The following ATP2A3 variants were observed in gnomAD, a reference collection of about 807,000 sequenced individuals.
The protein encoded by ATP2A3 is ATPase sarcoplasmic/endoplasmic reticulum Ca2+ transporting 3.
In ATP2A3, 61 loss-of-function variants were observed where a neutral mutation model predicts 106.8. The observed-to-expected ratio is 0.57, with a 90% CI of 0.46 to 0.71. The LOEUF is 0.71. Among genes scored for constraint, ATP2A3 ranks in the 30% least tolerant of loss-of-function variants. The probability of loss-of-function intolerance (pLI) is 0.00; values close to 1 mark genes in which losing one functional copy is unlikely to be tolerated. For synonymous variants in ATP2A3, 611 were observed against 609.3 expected (o/e 1.00, Z -0.04); for missense variants, 1,201 against 1,423.5 (o/e 0.84, Z 2.52).
rs760209636 is a variant in ATP2A3, at chr17:3,941,298, C to A, written c.1773G>T (p.Leu591=). 2 of 1,613,664 alleles carry A rather than the reference C, an allele frequency of 1.2e-6. No individual in the cohort carries two copies. Among genetic ancestry groups the A allele is most frequent in the Non-Finnish European group, 1.7e-6 (2 of 1,179,864 alleles). Residue 591 remains leucine, a synonymous_variant, in exon 14 of 21, where the codon CTG becomes CTT. Coordinates refer to ENST00000397041, the MANE Select transcript of ATP2A3 (RefSeq NM_005173.4). ...GCATGCCTACGCAGCCCACGAAGGT[C>A]AGGTCCGTCTGTAGGGAGGGGGCAG... The part of the protein sequence containing the change: ...CSKFVQYETD[L]TFVGCVGMLD...
intron 20 of ATP2A3, chr17:3,927,732 T>C (rs1356229635): frequency 2.1e-6 from 2 of 952,872 alleles, no homozygotes; most frequent in Admixed American, 2.2e-4. Context: ...AGTGAGCCCC[T>C]ACATGTGTCT....
chr17:3,961,627 C>T (rs964238333), intron 1 of ATP2A3, among the ~76,000 whole-genome samples: 1 of 152,178 alleles, frequency 6.6e-6, no homozygotes, highest in African/African-American at 2.4e-5. Context: ...CAATAACGAC[C>T]TTGCAGGTGC....
rs73971721 is a variant in ATP2A3, at chr17:3,929,261, T to C, written c.2862+67A>G. On this transcript the variant is annotated intron_variant, in intron 19 of 20. Transcript: ENST00000397041. This position sits in a 1 kb window ranked among gnomAD's most constrained non-coding sequence, Gnocchi z 4.3. Reference sequence around the variant, plus strand: ...TTCCATTGCAGGGGGGCCAGAGAGGTCCAGTGACCAGCCCAGGGCCTGTGA... The same window carrying C: ...TTCCATTGCAGGGGGGCCAGAGAGGCCCAGTGACCAGCCCAGGGCCTGTGA... 0.012 allele frequency: 16,780 copies of C among 1,401,462 alleles called. 1,581 individuals are homozygous for C. In the African/African-American group the frequency reaches 0.21, roughly 18 times the overall value. 86.8% of individuals were successfully genotyped at this position (1,401,462 alleles called of 1,614,324 possible).
rs1295889417 is a variant in ATP2A3 at position 3,936,544 on chromosome 17, C to T, written c.2322-75G>A. 4 of 1,537,634 alleles carry T rather than the reference C, an allele frequency of 2.6e-6. No homozygotes were observed. In the Admixed American group the frequency reaches 6.8e-5, roughly 26 times the overall value. ...ATGCAGGCTCCAGCTCCTGCTCAGA[C>T]CCAAGGCTGGGAGCTCACCCACCCA... On this transcript the variant is annotated intron_variant, in intron 15 of 20. Transcript: ENST00000397041. The surrounding 1 kb of genome is among the most constrained non-coding windows in gnomAD (Gnocchi z 5.4).
Position 3,964,182 on chromosome 17 carries a change from C to G in ATP2A3, c.110G>C (p.Gly37Ala). The G allele has an allele frequency of 8.1e-7, 1 of 1,228,202 alleles. No individual in the cohort carries two copies. The highest frequency in any genetic ancestry group is 3.8e-5 in the Admixed American group (1 of 26,156). The allele number at this position is 1,228,202 out of a possible 1,614,324, so 76.1% of individuals were successfully genotyped here. The change falls in exon 1 of 21, where the codon GGC (glycine) becomes GCC (alanine). Residue 37 changes from glycine (G) to alanine (A), a missense_variant. Gly to Ala is a moderately conservative substitution (Grantham distance 60). This residue lies in a region of ATP2A3 where 266 missense variants were observed against 246.8 expected (regional missense o/e 1.08). Coordinates refer to ENST00000397041, the MANE Select transcript of ATP2A3 (RefSeq NM_005173.4). Reference protein sequence around the residue: ...AQVTGARERYGPNELPSEEGK... With the variant: ...AQVTGARERYAPNELPSEEGK... Reference sequence around the variant, plus strand: ...CCGGCCCGCGCGCTCACCGTTGGGGCCGTAGCGCTCCCGCGCGCCGGTCAC... The same window carrying G: ...CCGGCCCGCGCGCTCACCGTTGGGGGCGTAGCGCTCCCGCGCGCCGGTCAC...
rs905207315 is a variant in ATP2A3 at position 3,929,503 on chromosome 17, C to T, written c.2745-58G>A. On this transcript the variant is annotated intron_variant, in intron 18 of 20. Transcript: ENST00000397041. The surrounding 1 kb of genome is among the most constrained non-coding windows in gnomAD (Gnocchi z 4.3). ...GGGTGCAGGGAGGCCCTGCCAGGCA[C>T]CCACCCCCATGGGAGGAGCCTCACC... 1.7e-5 allele frequency: 25 copies of T among 1,432,994 alleles called. No individual in the cohort carries two copies. In the Admixed American group the frequency reaches 2.9e-4, roughly 17 times the overall value. The allele number at this position is 1,432,994 out of a possible 1,614,324, so 88.8% of individuals were successfully genotyped here. A position where few individuals can be genotyped will look rare whatever the true frequency, so the allele number is the denominator to read the frequency against.
rs1250283571 is a variant in ATP2A3 at position 3,930,436 on chromosome 17, T to C, written c.2611-2A>G. ...TTCGGAGCACTTCAGGAAGTTCCTCTGGGGGCACCGTGGCAGGTCAGAGAG... is the reference window on the plus strand; with the variant it reads ...TTCGGAGCACTTCAGGAAGTTCCTCCGGGGGCACCGTGGCAGGTCAGAGAG... On this transcript the variant is annotated splice_acceptor_variant, in intron 17 of 20. Transcript: ENST00000397041. LOFTEE classifies it high-confidence loss of function. The surrounding 1 kb of genome is among the most constrained non-coding windows in gnomAD (Gnocchi z 5.4). 2 of 1,613,634 alleles carry C rather than the reference T, an allele frequency of 1.2e-6. No individual in the cohort carries two copies. Among genetic ancestry groups the C allele is most frequent in the African/African-American group, 2.7e-5 (2 of 74,924 alleles).
intron 1 of ATP2A3, among the ~76,000 whole-genome samples, chr17:3,957,227 C>T (rs909544695): frequency 6.6e-6 from 1 of 152,184 alleles, no homozygotes; most frequent in Non-Finnish European, 1.5e-5. Flanking sequence ...ATTGTTATGC[C>T]CATTTTACAG....
Position 3,930,245 on chromosome 17 carries a change from C to T in ATP2A3, c.2744+56G>A. On this transcript the variant is annotated intron_variant, in intron 18 of 20. Transcript: ENST00000397041. This position sits in a 1 kb window ranked among gnomAD's most constrained non-coding sequence, Gnocchi z 5.4. ...ACCCTCAGACACTGATACTGGAACC[C>T]CCAGCCCTCAGCCCCCACTCCTCGG... is the stretch of plus-strand genomic sequence containing the variant. 7.1e-7 allele frequency: 1 copy of T among 1,400,486 alleles called. No homozygotes were observed. Among genetic ancestry groups the T allele is most frequent in the Non-Finnish European group, 9.3e-7 (1 of 1,075,164 alleles). 86.8% of individuals were successfully genotyped at this position (1,400,486 alleles called of 1,614,324 possible).
At position 3,924,679 on chromosome 17, in the gene ATP2A3, G is replaced by GGAAC; in HGVS notation, c.*742_*743insGTTC. ...GGACGGGGAACCCTGAGTCCAGGAGGCGCGCGGGGCTGAGGCAGTCCAGCC... is the reference window on the plus strand; with the variant it reads ...GGACGGGGAACCCTGAGTCCAGGAGGGAACCGCGCGGGGCTGAGGCAGTCCAGCC... On this transcript the variant is annotated 3_prime_UTR_variant, in exon 21 of 21. Coordinates refer to ENST00000397041, the MANE Select transcript of ATP2A3 (RefSeq NM_005173.4). This position sits in a 1 kb window ranked among gnomAD's most constrained non-coding sequence, Gnocchi z 6.4. 2.2e-6 allele frequency: 1 copy of GGAAC among 446,678 alleles called. No individual in the cohort carries two copies. The allele number at this position is 446,678 out of a possible 1,614,324, so 27.7% of individuals were successfully genotyped here.
rs548164278 is a variant in ATP2A3, at chr17:3,950,224, C to T, written c.630+287G>A. Among the ~76,000 whole-genome samples the T allele has an allele frequency of 8.2e-4, 124 of 150,706 alleles. 1 individual carries two copies. Among genetic ancestry groups the T allele is most frequent in the African/African-American group, 2.9e-3 (119 of 41,112 alleles). ...TCACCCAGGCTGGAGTGCAGTGGCA[C>T]AATCTTGGCTCACTGCAACCTCCGC... On this transcript the variant is annotated intron_variant, in intron 7 of 20. Coordinates refer to ENST00000397041, the MANE Select transcript of ATP2A3 (RefSeq NM_005173.4).
In ATP2A3 at chr17:3,964,259, G is replaced by C. The variant is rs1212520493; in HGVS notation, c.33C>G (p.Asp11Glu). The C allele has an allele frequency of 3.1e-6, 4 of 1,281,092 alleles. No individual in the cohort carries two copies. The Admixed American group carries it at 9.8e-5, about 31-fold the overall frequency. The allele number at this position is 1,281,092 out of a possible 1,614,324, so 79.4% of individuals were successfully genotyped here. Residue 11 changes from aspartate (D) to glutamate (E), a missense_variant, in exon 1 of 21, where the codon GAC becomes GAG. Physicochemically the swap from Asp to Glu is conservative, Grantham distance 45. Transcript: ENST00000397041. MEAAHLLPAA[D>E]VLRHFSVTAE... is the part of the protein sequence containing the mutation. ...CTGTCACCGAGAAGTGGCGCAGCAC[G>C]TCGGCGGCCGGGAGCAGATGCGCCG...
At chr17:3,963,675 G>A (rs925078053) in intron 1 of ATP2A3, among the ~76,000 whole-genome samples, 1 of 152,190 alleles carries the variant, frequency 6.6e-6, no homozygotes, top group African/African-American at 2.4e-5. Context: ...TGGGGTGGGG[G>A]TGGGGGCCCC....
At chr17:3,962,023 A>G (rs915138556) in intron 1 of ATP2A3, among the ~76,000 whole-genome samples, 10 of 152,128 alleles carry the variant, frequency 6.6e-5, no homozygotes, top group African/African-American at 1.9e-4. Flanking sequence ...CCCTCTGCTC[A>G]CCTAAAGACT....
In ATP2A3 at chr17:3,953,652, G is replaced by A; in HGVS notation, c.136+41C>T. The A allele has an allele frequency of 6.4e-7, 1 of 1,557,942 alleles. No homozygotes were observed. The highest frequency in any genetic ancestry group is 8.7e-7 in the Non-Finnish European group (1 of 1,150,390). ...ACCAGACAGAGAACGACCCAGGGAT[G>A]CTGCCCGCGGCCTAGAGGTCCATCC... On this transcript the variant is annotated intron_variant, in intron 2 of 20. Transcript: ENST00000397041. The surrounding 1 kb of genome is among the most constrained non-coding windows in gnomAD (Gnocchi z 5.1).
chr17:3,931,534 T>C (rs897565418), intron 17 of ATP2A3, among the ~76,000 whole-genome samples: 107 of 146,978 alleles, frequency 7.3e-4, no homozygotes, highest in African/African-American at 2.7e-3. Context: ...TTTTTTTTTT[T>C]TTTTTGAAAC....
rs201017146 is a variant in ATP2A3, at chr17:3,953,320, C to T, written c.219+27G>A. 6,466 of 1,611,666 alleles carry T rather than the reference C, an allele frequency of 4.0e-3. 18 individuals carry two copies. Among genetic ancestry groups the T allele is most frequent in the South Asian group, 8.8e-3 (802 of 91,018 alleles). ...CTCCCTCCAGGGCTACCGACTACCA[C>T]AGGATGGCTGGCAGGGCCCTACTTA... is the stretch of plus-strand genomic sequence containing the variant. On this transcript the variant is annotated intron_variant, in intron 3 of 20. Transcript: ENST00000397041. This position sits in a 1 kb window ranked among gnomAD's most constrained non-coding sequence, Gnocchi z 5.1.
chr17:3,934,934 A>G, intron 17 of ATP2A3: 2 of 516,400 alleles, frequency 3.9e-6, no homozygotes, highest in Non-Finnish European at 7.0e-6. Context: ...CAAAGGTAAG[A>G]TACATCTGGC....
intron 7 of ATP2A3, 151 bp from the exon 8 acceptor site, chr17:3,948,006 G>A (rs549659131): frequency 3.4e-4 from 255 of 753,300 alleles, no homozygotes; most frequent in Non-Finnish European, 5.0e-4. Flanking sequence ...CTGTAGCTAT[G>A]TATGCACGGG....
Sources: gnomAD v4.1 joint callset for allele counts (sites outside exome capture counted in the v4.1 genomes callset) on GRCh38, gnomAD v4.1.1 for gene constraint, gnomAD v4.1.1 regional missense constraint, Gnocchi (gnomAD v3.1) non-coding constraint, MANE v1.5 for transcripts, NCBI Gene and HGNC (gene_info 2026-07-23, HGNC 2026-07-21) for gene names.